The following KIF17 variants were observed in gnomAD, a reference collection of about 807,000 sequenced individuals.
KIF17 encodes kinesin-like protein KIF17.
Under a neutral mutation model 96.8 loss-of-function variants are expected in KIF17, and 80 were observed. The observed-to-expected ratio is 0.83, with a 90% CI of 0.69 to 1.00. The LOEUF (loss-of-function observed/expected upper bound fraction) is 1.00. Among genes scored for constraint, KIF17 ranks in the 50% least tolerant of loss-of-function variants. The pLI is 0.00. For missense variants in KIF17, 1,280 were observed against 1,372.9 expected, an observed-to-expected ratio of 0.93 and a Z score of 1.07; for synonymous variants, 567 against 587.5, an observed-to-expected ratio of 0.97 and a Z score of 0.51.
chr1:20,682,990 C>A (rs1304804889), intron 10 of KIF17, 106 bp from the exon 11 acceptor site: 3 of 933,882 alleles, frequency 3.2e-6, no homozygotes, highest in Non-Finnish European at 4.9e-6. Flanking sequence ...ATCCTTCCAA[C>A]AACCCCACTT....
chr1:20,670,331 A>G, intron 13 of KIF17, 90 bp downstream of exon 13: 2 of 1,283,808 alleles, frequency 1.6e-6, no homozygotes. Context: ...AAAGTGGAAA[A>G]CCAGCTCTCC....
At position 20,712,590 on chromosome 1, in the gene KIF17, A is replaced by ATATAGATAATAT. The variant is rs1447579717; in HGVS notation, c.480+863_480+864insATATTATCTATA. Among the ~76,000 whole-genome samples the ATATAGATAATAT allele has an allele frequency of 2.1e-4, 4 of 19,446 alleles. 1 individual carries two copies. The highest frequency in any genetic ancestry group is 6.0e-4 in the Non-Finnish European group (4 of 6,670). 12.8% of individuals were successfully genotyped at this position (19,446 alleles called of 152,430 possible). ...TATATAGATAATATTATCTATATATATATCTATATATATCTATATATATAT... is the reference window on the plus strand; with the variant it reads ...TATATAGATAATATTATCTATATATATATAGATAATATTATCTATATATATCTATATATATAT... On this transcript the variant is annotated intron_variant, in intron 3 of 14. Transcript: ENST00000400463.
intron 3 of KIF17, among the ~76,000 whole-genome samples, chr1:20,712,924 T>TATATTATAGATA: frequency 5.3e-5 from 5 of 93,484 alleles, no homozygotes; most frequent in African/African-American, 1.7e-4. Flanking sequence ...ATAATATATC[T>TATATTATAGATA]ATATTATCTA....
Position 20,679,295 on chromosome 1 carries a change from A to G in KIF17, c.2463+3358T>C, listed in dbSNP as rs111701346. On this transcript the variant is annotated intron_variant, in intron 11 of 14. Transcript: ENST00000400463. ...AGACCAGCCTGGGTAACATAGCAAG[A>G]CCCCTCCGCTACAAAAAATAATAAT... Among the ~76,000 whole-genome samples, 372 of 151,920 alleles carry G rather than the reference A, an allele frequency of 2.4e-3. 2 individuals carry two copies. Among genetic ancestry groups the G allele is most frequent in the African/African-American group, 8.3e-3 (345 of 41,414 alleles).
In KIF17 at chr1:20,715,489, G is replaced by A. The variant is rs780889428; in HGVS notation, c.378+4C>T. ...CCTGCCCCTTCCCTCTGCGAGGCCC[G>A]TACCTGGACGCTCTCGAACACGTGC... On this transcript the variant is annotated splice_donor_region_variant and intron_variant, in intron 2 of 14. Transcript: ENST00000400463. The A allele has an allele frequency of 1.7e-5, 27 of 1,611,884 alleles. No homozygotes were observed. The highest frequency in any genetic ancestry group is 7.7e-5 in the South Asian group (7 of 91,084).
rs2054294035 is a variant in KIF17, at chr1:20,704,064, G to C, written c.1123+383C>G. On this transcript the variant is annotated intron_variant, in intron 5 of 14. Transcript: ENST00000400463. This position sits in a 1 kb window ranked among gnomAD's most constrained non-coding sequence, Gnocchi z 6.8. ...GTAACAAGGTGCCTGCGAGGAGCAG[G>C]TGTGGCCGTGGGGAGTGAGTTGCCA... Among the ~76,000 whole-genome samples the C allele has an allele frequency of 1.3e-5, 2 of 152,104 alleles. No individual in the cohort carries two copies. The highest frequency in any genetic ancestry group is 4.1e-4 in the South Asian group (2 of 4,834).
intron 2 of KIF17, 148 bp downstream of exon 2, chr1:20,715,345 C>A: frequency 1.9e-6 from 2 of 1,058,154 alleles, no homozygotes; most frequent in Non-Finnish European, 2.8e-6. Context: ...TTTTTTCCCA[C>A]CACCTTTTCA....
intron 5 of KIF17, among the ~76,000 whole-genome samples, chr1:20,703,514 GGAT>G (rs1557601139): frequency 1.6e-4 from 24 of 151,548 alleles, no homozygotes; most frequent in Non-Finnish European, 3.4e-4. Flanking sequence ...ATGGATGGAT[GGAT>G]GGATGGATGG....
intron 11 of KIF17, among the ~76,000 whole-genome samples, chr1:20,677,194 G>A (rs1402063987): frequency 2.6e-5 from 4 of 152,232 alleles, no homozygotes; most frequent in Non-Finnish European, 5.9e-5. Flanking sequence ...ATGAGCAACA[G>A]GGTGAGACCT....
chr1:20,694,657 C>T (rs552677912), intron 6 of KIF17, among the ~76,000 whole-genome samples: 1 of 152,316 alleles, frequency 6.6e-6, no homozygotes, highest in East Asian at 1.9e-4. Context: ...CTGATTTAGG[C>T]TCCTAGGGAG....
chr1:20,671,837 C>T, intron 12 of KIF17, 101 bp downstream of exon 12: 1 of 1,435,576 alleles, frequency 7.0e-7, no homozygotes, highest in South Asian at 1.3e-5. Context: ...GTGTCTTCTA[C>T]ACCCACAGCC....
At chr1:20,698,535 G>A (rs1255094196) in intron 5 of KIF17, 47 bp from the exon 6 acceptor site, 2 of 1,244,252 alleles carry the variant, frequency 1.6e-6, no homozygotes, top group South Asian at 1.2e-5. Context: ...GGCACATTGT[G>A]TGCAGGAACT....
chr1:20,671,920 G>A lies in KIF17; in HGVS notation c.2722+18C>T. 1.2e-6 allele frequency: 2 copies of A among 1,610,682 alleles called. No homozygotes were observed. Among genetic ancestry groups the A allele is most frequent in the Non-Finnish European group, 1.7e-6 (2 of 1,179,280 alleles). ...GTGAAGGAGGGAGGGGAGGGCAAGG[G>A]CCAGCCAAGCTCCTGACCTACTGGG... On this transcript the variant is annotated intron_variant, in intron 12 of 14. Coordinates refer to ENST00000400463, the MANE Select transcript of KIF17 (RefSeq NM_001122819.3).
intron 3 of KIF17, among the ~76,000 whole-genome samples, chr1:20,712,716 AAATTATATTATATC>A (rs2054477733): frequency 1.2e-4 from 2 of 16,384 alleles, no homozygotes; most frequent in African/African-American, 3.1e-4. Flanking sequence ...TCTATATATA[AAATTATATTATATC>A]TATATATATT....
At position 20,686,131 on chromosome 1, in the gene KIF17, G is replaced by A. The variant is rs1315467707; in HGVS notation, c.1939-5C>T. 1.3e-6 allele frequency: 2 copies of A among 1,563,842 alleles called. No individual in the cohort carries two copies. Among genetic ancestry groups the A allele is most frequent in the East Asian group, 2.4e-5 (1 of 42,220 alleles). ...CAGGTCTGTCGGCGCAGGGACCTGG[G>A]AGGAAAGAGGGGATGGAGGAGAAAG... On this transcript the variant is annotated splice_polypyrimidine_tract_variant and splice_region_variant and intron_variant, in intron 8 of 14. Coordinates refer to ENST00000400463, the MANE Select transcript of KIF17 (RefSeq NM_001122819.3).
In KIF17 at chr1:20,704,537, GGTCCTCATT is replaced by G. The variant is rs2054305668; in HGVS notation, c.1024_1032del (p.Asn342_Asp344del). 4 of 1,614,190 alleles carry G rather than the reference GGTCCTCATT, an allele frequency of 2.5e-6. No homozygotes were observed. The East Asian group carries it at 8.9e-5, about 36-fold the overall frequency. On this transcript the variant is annotated inframe_deletion, in exon 5 of 15. Transcript: ENST00000400463. This position sits in a 1 kb window ranked among gnomAD's most constrained non-coding sequence, Gnocchi z 6.8. ...TACTCGCGAAGCAGCGCATCCTTGG[GGTCCTCATT>G]GATGCGCGGCTTGTTCCTGATGTTC...
In KIF17 at chr1:20,682,777, T is replaced by C. The variant is rs1254201254; in HGVS notation, c.2339A>G (p.Gln780Arg). The C allele has an allele frequency of 2.5e-6, 4 of 1,612,918 alleles. No homozygotes were observed. The African/African-American group carries it at 5.3e-5, about 22-fold the overall frequency. The change falls in exon 11 of 15, where the codon CAG becomes CGG. Residue 780 changes from glutamine to arginine, a missense_variant. Physicochemically the swap from Gln to Arg is conservative, Grantham distance 43. Coordinates refer to ENST00000400463, the MANE Select transcript of KIF17 (RefSeq NM_001122819.3). ...RKRYADERRK[Q>R]LVAALQNSDE... ...CGAGTTCTGCAGGGCAGCCACCAGC[T>C]GCTTCCTGCGCTCGTCTGCGTAGCG...
chr1:20,695,888 C>T (rs981521030), intron 6 of KIF17, among the ~76,000 whole-genome samples: 1 of 152,190 alleles, frequency 6.6e-6, no homozygotes, highest in African/African-American at 2.4e-5. Context: ...GAGTGTCCAG[C>T]ACCCAGCACG....
intron 7 of KIF17, among the ~76,000 whole-genome samples, chr1:20,689,797 A>G (rs1025283399): frequency 6.7e-6 from 1 of 149,204 alleles, no homozygotes; most frequent in Non-Finnish European, 1.5e-5. Flanking sequence ...CGGAAAACAC[A>G]GCAATTCGGG....
Sources: allele counts gnomAD v4.1 joint callset (sites outside exome capture counted in the v4.1 genomes callset), GRCh38; gene constraint gnomAD v4.1.1; non-coding constraint Gnocchi (gnomAD v3.1); transcripts MANE v1.5; gene names NCBI Gene and HGNC (gene_info 2026-07-23, HGNC 2026-07-21).